PRRX2: variants seen among roughly 807,000 people sequenced by gnomAD.
The protein encoded by PRRX2 is paired related homeobox 2, also known as paired mesoderm homeobox protein 2.
Under a neutral mutation model 18.0 loss-of-function variants are expected in PRRX2, and 11 were observed. The ratio of observed to expected loss-of-function variants is 0.61; its 90% CI spans 0.39 to 1.01. The LOEUF is 1.01. PRRX2 is among the 50% of genes least tolerant of loss of function. PRRX2 has a pLI of 0.01. For synonymous variants in PRRX2, 177 were observed against 154.8 expected (o/e 1.14, Z -1.06); for missense variants, 387 against 351.0 (o/e 1.10, Z -0.82).
chr9:129,683,930 C>T (rs1406280124), intron 1 of PRRX2, among the ~76,000 whole-genome samples: 1 of 152,118 alleles, frequency 6.6e-6, no homozygotes, highest in African/African-American at 2.4e-5. Context: ...TACCCTCTTC[C>T]TGTACAAGGC....
In PRRX2 at chr9:129,705,803, C is replaced by G. The variant is rs527277594; in HGVS notation, c.260-13428C>G. 3.3e-5 allele frequency among the ~76,000 whole-genome samples: 5 copies of G among 151,372 alleles called. No individual in the cohort carries two copies. In the East Asian group the frequency reaches 1.0e-3, roughly 30 times the overall value. On this transcript the variant is annotated intron_variant, in intron 1 of 3. Transcript: ENST00000372469. ...GCGAGAGCCACTCCCTGGCTGGGCA[C>G]GGTGGCTCATGCCTGTAATCCCAGC...
chr9:129,701,396 G>A (rs2130924776), intron 1 of PRRX2, among the ~76,000 whole-genome samples: 1 of 152,332 alleles, frequency 6.6e-6, no homozygotes, highest in Admixed American at 6.5e-5. Context: ...GGCACTTTAG[G>A]TGTTGCTGTT....
chr9:129,698,565 G>T (rs1832458246), intron 1 of PRRX2, among the ~76,000 whole-genome samples: 2 of 152,226 alleles, frequency 1.3e-5, no homozygotes, highest in South Asian at 2.1e-4. Flanking sequence ...TAGGGTGGGG[G>T]TGTCAGCCAT....
chr9:129,673,553 C>G (rs17417337), intron 1 of PRRX2, among the ~76,000 whole-genome samples: 2,984 of 152,222 alleles, frequency 0.02, 43 homozygotes, highest in Middle Eastern at 0.065. Flanking sequence ...CTCATTTTGT[C>G]GGTGAAAACT....
intron 1 of PRRX2, among the ~76,000 whole-genome samples, chr9:129,683,769 G>A (rs775865457): frequency 6.6e-6 from 1 of 152,168 alleles, no homozygotes; most frequent in Non-Finnish European, 1.5e-5. Context: ...ACACAGGCAG[G>A]TAATTTACTG....
At chr9:129,681,274 C>T (rs1034519670) in intron 1 of PRRX2, among the ~76,000 whole-genome samples, 14 of 152,218 alleles carry the variant, frequency 9.2e-5, no homozygotes, top group Admixed American at 2.0e-4. Flanking sequence ...AATCCCAGCA[C>T]TTTGGGAGGC....
At position 129,695,623 on chromosome 9, in the gene PRRX2, C is replaced by T. The variant is rs1272612319; in HGVS notation, c.260-23608C>T. ...CACCTCCCTTTCCTGGCCCACGCTG[C>T]TCTTCCTCCAGGCCCCCGCCACCCC... On this transcript the variant is annotated intron_variant, in intron 1 of 3. Coordinates refer to ENST00000372469, the MANE Select transcript of PRRX2 (RefSeq NM_016307.4). This position sits in a 1 kb window ranked among gnomAD's most constrained non-coding sequence, Gnocchi z 4.8. Among the ~76,000 whole-genome samples, 1 of 152,216 alleles carries T rather than the reference C, an allele frequency of 6.6e-6. No homozygotes were observed. Among genetic ancestry groups the T allele is most frequent in the Non-Finnish European group, 1.5e-5 (1 of 68,040 alleles).
intron 1 of PRRX2, among the ~76,000 whole-genome samples, chr9:129,704,617 G>A (rs1832536542): frequency 6.6e-6 from 1 of 152,184 alleles, no homozygotes; most frequent in Admixed American, 6.5e-5. Flanking sequence ...CAGAACTTGG[G>A]GTTCCACTGC....
At chr9:129,669,487 TAAAC>T (rs754291192) in intron 1 of PRRX2, among the ~76,000 whole-genome samples, 15 of 152,178 alleles carry the variant, frequency 9.9e-5, no homozygotes, top group Admixed American at 2.6e-4. Flanking sequence ...ACTGGGAAAA[TAAAC>T]AAAGCCCCTA....
At position 129,680,481 on chromosome 9, in the gene PRRX2, G is replaced by A. The variant is rs867645653; in HGVS notation, c.259+14355G>A. ...TCTCTCTCTCCCACCCCCCCCACCC[G>A]CCCTAGACACCTGGGAGGAGGGGCA... On this transcript the variant is annotated intron_variant, in intron 1 of 3. Transcript: ENST00000372469. 4.4e-3 allele frequency among the ~76,000 whole-genome samples: 377 copies of A among 85,464 alleles called. 3 individuals carry two copies. Among genetic ancestry groups the A allele is most frequent in the African/African-American group, 0.015 (349 of 22,624 alleles). The allele number at this position is 85,464 out of a possible 152,430, so 56.1% of individuals were successfully genotyped here. A position where few individuals can be genotyped will look rare whatever the true frequency, so the allele number is the denominator to read the frequency against.
intron 1 of PRRX2, among the ~76,000 whole-genome samples, chr9:129,701,417 G>C (rs540739936): frequency 6.6e-6 from 1 of 152,226 alleles, no homozygotes; most frequent in East Asian, 1.9e-4. Flanking sequence ...CCCACTTACA[G>C]TGGGGACACT....
At chr9:129,705,872 T>TC (rs942206461) in intron 1 of PRRX2, among the ~76,000 whole-genome samples, 56 of 150,154 alleles carry the variant, frequency 3.7e-4, no homozygotes, top group African/African-American at 1.4e-3. Flanking sequence ...GGTCAGGAGT[T>TC]CAAGAGCCAC....
intron 1 of PRRX2, among the ~76,000 whole-genome samples, chr9:129,668,827 G>A (rs1167699503): frequency 6.6e-6 from 1 of 150,888 alleles, no homozygotes; most frequent in Non-Finnish European, 1.5e-5. Context: ...GAAAGAGATG[G>A]CACCAAAGAG....
rs1832802165 is a variant in PRRX2, at chr9:129,722,226, A to C, written c.636A>C (p.Pro212=). ...CTCATGTCGCCCCCAGCACAGTGCC[A>C]CCCTACAGCCCTGGGAGCTCAGGCC... The part of the protein sequence containing the change: ...WTASSPYSTV[P]PYSPGSSGPA... Residue 212 remains proline, a synonymous_variant, in exon 4 of 4, where the codon CCA becomes CCC. Coordinates refer to ENST00000372469, the MANE Select transcript of PRRX2 (RefSeq NM_016307.4). The C allele has an allele frequency of 1.2e-6, 2 of 1,613,560 alleles. No homozygotes were observed.
intron 1 of PRRX2, among the ~76,000 whole-genome samples, chr9:129,698,487 G>T (rs1832457397): frequency 6.6e-6 from 1 of 152,204 alleles, no homozygotes; most frequent in Non-Finnish European, 1.5e-5. Context: ...AAACACACGT[G>T]GCAAGAGCGG....
At position 129,709,374 on chromosome 9, in the gene PRRX2, A is replaced by G. The variant is rs940104046; in HGVS notation, c.260-9857A>G. ...AGGGCTCTGCTGAGGTTTGTGGGGG[A>G]CATGAGGGAACCTCCTCCAGCCTCC... On this transcript the variant is annotated intron_variant, in intron 1 of 3. Coordinates refer to ENST00000372469, the MANE Select transcript of PRRX2 (RefSeq NM_016307.4). This position sits in a 1 kb window ranked among gnomAD's most constrained non-coding sequence, Gnocchi z 4.2. 2.6e-5 allele frequency among the ~76,000 whole-genome samples: 4 copies of G among 151,988 alleles called. No homozygotes were observed.
chr9:129,698,857 C>T (rs1026148225), intron 1 of PRRX2, among the ~76,000 whole-genome samples: 1 of 152,208 alleles, frequency 6.6e-6, no homozygotes, highest in African/African-American at 2.4e-5. Flanking sequence ...AAACCTTGGG[C>T]TTGGGATCAA....
In PRRX2 at chr9:129,692,181, C is replaced by G. The variant is rs185803281; in HGVS notation, c.259+26055C>G. 2.4e-3 allele frequency among the ~76,000 whole-genome samples: 357 copies of G among 151,848 alleles called. 1 individual carries two copies. Among genetic ancestry groups the G allele is most frequent in the African/African-American group, 8.2e-3 (339 of 41,372 alleles). ...ACCAGGCTGGTCTCGAACTCCTGAC[C>G]TAAAGTGATCTACTCTCCTCTGCCT... On this transcript the variant is annotated intron_variant, in intron 1 of 3. Transcript: ENST00000372469.
At chr9:129,672,884 T>TCATC (rs1454561771) in intron 1 of PRRX2, among the ~76,000 whole-genome samples, 1 of 18,708 alleles carries the variant, frequency 5.3e-5, no homozygotes, top group Admixed American at 5.4e-4. Flanking sequence ...CCGCACTTGT[T>TCATC]CATTCATTCA....
Sources: gnomAD v4.1 joint callset for allele counts (sites outside exome capture counted in the v4.1 genomes callset) on GRCh38, gnomAD v4.1.1 for gene constraint, Gnocchi (gnomAD v3.1) non-coding constraint, MANE v1.5 for transcripts, NCBI Gene and HGNC (gene_info 2026-07-23, HGNC 2026-07-21) for gene names.